PTPA: variants seen among roughly 807,000 people sequenced by gnomAD.
The protein encoded by PTPA is protein phosphatase 2 phosphatase activator, also known as serine/threonine-protein phosphatase 2A activator.
PTPA carries 13 observed loss-of-function variants against 43.6 expected under a neutral mutation model. The ratio of observed to expected loss-of-function variants is 0.30; its 90% CI spans 0.19 to 0.47. The LOEUF (loss-of-function observed/expected upper bound fraction) is 0.47. Among genes scored for constraint, PTPA ranks in the 20% least tolerant of loss-of-function variants. The pLI is 0.99. For missense variants in PTPA, 329 were observed against 411.9 expected (o/e 0.80, Z 1.74); for synonymous variants, 172 against 158.2 (o/e 1.09, Z -0.66).
rs981335920 is a variant in PTPA at position 129,147,761 on chromosome 9, C to T, written c.*297C>T. On this transcript the variant is annotated 3_prime_UTR_variant, in exon 10 of 10. Transcript: ENST00000393370. ...CTCTCTCCTGTTTCTGGCCTCTTCTCCCTTCACTCCCGTCCAGTCTGGTTT... is the reference window on the plus strand; with the variant it reads ...CTCTCTCCTGTTTCTGGCCTCTTCTTCCTTCACTCCCGTCCAGTCTGGTTT... 8 of 402,338 alleles carry T rather than the reference C, an allele frequency of 2.0e-5. No individual in the cohort carries two copies. The highest frequency in any genetic ancestry group is 1.0e-4 in the African/African-American group (5 of 48,622). The allele number at this position is 402,338 out of a possible 1,614,324, so 24.9% of individuals were successfully genotyped here.
At chr9:129,124,067 T>C (rs1360857703) in intron 3 of PTPA, among the ~76,000 whole-genome samples, 1 of 152,224 alleles carries the variant, frequency 6.6e-6, no homozygotes, top group African/African-American at 2.4e-5. Context: ...GACATGTGTA[T>C]GACATTCACA....
At chr9:129,128,660 C>G (rs1849745601) in intron 3 of PTPA, among the ~76,000 whole-genome samples, 1 of 151,942 alleles carries the variant, frequency 6.6e-6, no homozygotes, top group African/African-American at 2.4e-5. Flanking sequence ...CAAAAGGCTT[C>G]CATAAAGTCT....
Position 129,111,435 on chromosome 9 carries a change from C to G in PTPA, c.-166C>G, listed in dbSNP as rs541532986. Reference sequence around the variant, plus strand: ...CCCGCACCGACATGGCGGCCGTCTTCGCTGTGGTGACTTTAACTCTCGGTT... The same window carrying G: ...CCCGCACCGACATGGCGGCCGTCTTGGCTGTGGTGACTTTAACTCTCGGTT... On this transcript the variant is annotated 5_prime_UTR_variant, in exon 1 of 10. Transcript: ENST00000393370. 2.5e-4 allele frequency: 316 copies of G among 1,249,772 alleles called. 1 individual carries two copies. The African/African-American group carries it at 4.4e-3, about 17-fold the overall frequency. The allele number at this position is 1,249,772 out of a possible 1,614,324, so 77.4% of individuals were successfully genotyped here.
Position 129,134,883 on chromosome 9 carries a change from G to A in PTPA, c.549G>A (p.Lys183=). Residue 183 remains lysine (K), a synonymous_variant, in exon 6 of 10, where the codon AAG becomes AAA. Transcript: ENST00000393370. ...ATGACCAAATAGCTATTGTCTTCAAGGTGTTCAATCGGTGAGAGAAAGGAC... is the reference window on the plus strand; with the variant it reads ...ATGACCAAATAGCTATTGTCTTCAAAGTGTTCAATCGGTGAGAGAAAGGAC... ...RVDDQIAIVF[K]VFNRYLEVMR... The A allele has an allele frequency of 6.2e-7, 1 of 1,613,060 alleles. No individual in the cohort carries two copies. Among genetic ancestry groups the A allele is most frequent in the Non-Finnish European group, 8.5e-7 (1 of 1,179,434 alleles).
rs751492653 is a variant in PTPA at position 129,134,872 on chromosome 9, A to G, written c.538A>G (p.Ile180Val). The change falls in exon 6 of 10, where the codon ATT becomes GTT. Residue 180 changes from isoleucine (I) to valine (V), a missense_variant. By Grantham distance (29) the Ile-to-Val change is conservative (BLOSUM62 3). Coordinates refer to ENST00000393370, the MANE Select transcript of PTPA (RefSeq NM_178000.3). Reference protein sequence around the residue: ...GVLRVDDQIAIVFKVFNRYLE... With the variant: ...GVLRVDDQIAVVFKVFNRYLE... ...GCTCCGGGTGGATGACCAAATAGCT[A>G]TTGTCTTCAAGGTGTTCAATCGGTG... is the stretch of plus-strand genomic sequence containing the variant. 26 of 1,613,330 alleles carry G rather than the reference A, an allele frequency of 1.6e-5. No homozygotes were observed. Among genetic ancestry groups the G allele is most frequent in the Admixed American group, 5.0e-5 (3 of 59,974 alleles).
intron 7 of PTPA, among the ~76,000 whole-genome samples, chr9:129,136,817 C>T (rs980232212): frequency 1.3e-5 from 2 of 152,164 alleles, no homozygotes; most frequent in African/African-American, 2.4e-5. Context: ...GGAGGCCAAG[C>T]GCCACCAAGA....
chr9:129,130,791 C>T (rs185710534), intron 4 of PTPA, among the ~76,000 whole-genome samples: 4 of 152,168 alleles, frequency 2.6e-5, no homozygotes, highest in African/African-American at 9.7e-5. Context: ...AAGTTTTTTA[C>T]CCATGGATTC....
At chr9:129,134,370 T>C (rs1850213775) in intron 5 of PTPA, among the ~76,000 whole-genome samples, 1 of 139,928 alleles carries the variant, frequency 7.1e-6, no homozygotes, top group Non-Finnish European at 1.5e-5. Flanking sequence ...AGTGGCCTTA[T>C]CATGGCTCAC....
intron 1 of PTPA, among the ~76,000 whole-genome samples, chr9:129,113,827 A>G (rs114833350): frequency 0.012 from 1,818 of 152,198 alleles, 49 homozygotes; most frequent in East Asian, 0.12. Context: ...GATAGGAGAT[A>G]TAAGGCAACC....
chr9:129,131,495 A>G, intron 4 of PTPA, 27 bp from the exon 5 acceptor site: 3 of 1,604,688 alleles, frequency 1.9e-6, no homozygotes, highest in Non-Finnish European at 2.6e-6. Flanking sequence ...ATATGCTGCC[A>G]CCACTTTGTG....
chr9:129,137,657 T>G lies in PTPA; in HGVS notation c.751T>G (p.Tyr251Asp), dbSNP rs1850464931. The G allele has an allele frequency of 6.2e-7, 1 of 1,611,946 alleles. No individual in the cohort carries two copies. Among genetic ancestry groups the G allele is most frequent in the Admixed American group, 1.7e-5 (1 of 59,758 alleles). The change falls in exon 8 of 10, where the codon TAC becomes GAC. Residue 251 changes from tyrosine (Y) to aspartate (D), a missense_variant. Coordinates refer to ENST00000393370, the MANE Select transcript of PTPA (RefSeq NM_178000.3). ...EKAVNENHKD[Y>D]MFLECILFIT... ...GGCCGTGAATGAGAACCACAAGGAC[T>G]ACATGTTCCTGGAGTGTATCCTGTT...
chr9:129,111,239 C>T, upstream of PTPA: 1 of 1,146,804 alleles, frequency 8.7e-7, no homozygotes, highest in Non-Finnish European at 1.1e-6. Context: ...ACTTGACGCC[C>T]CGCACAATCG....
intron 3 of PTPA, among the ~76,000 whole-genome samples, chr9:129,125,740 T>C (rs1465636385): frequency 6.6e-6 from 1 of 152,192 alleles, no homozygotes; most frequent in Non-Finnish European, 1.5e-5. Context: ...CCACGAGTAG[T>C]GGTTGTCTTT....
chr9:129,137,934 A>T, intron 8 of PTPA: 1 of 506,254 alleles, frequency 2.0e-6, no homozygotes. Context: ...TCTTGAGATG[A>T]GGGTCTAAGA....
intron 3 of PTPA, among the ~76,000 whole-genome samples, chr9:129,126,189 ATTTATT>A (rs978621480): frequency 2.0e-5 from 3 of 151,544 alleles, no homozygotes; most frequent in African/African-American, 7.3e-5. Context: ...TTTATTATTT[ATTTATT>A]TTTATTTTTA....
chr9:129,134,619 G>A (rs569997127), intron 5 of PTPA, among the ~76,000 whole-genome samples, 176 bp from the exon 6 acceptor site: 1 of 152,152 alleles, frequency 6.6e-6, no homozygotes, highest in African/African-American at 2.4e-5. Flanking sequence ...TGGTATTATA[G>A]TTCTTGAAAG....
intron 1 of PTPA, among the ~76,000 whole-genome samples, chr9:129,114,628 C>T (rs775576044): frequency 1.7e-4 from 26 of 152,194 alleles, no homozygotes; most frequent in Non-Finnish European, 3.7e-4. Context: ...AACATGTAGA[C>T]GAGTTTCAAA....
At chr9:129,114,715 G>A (rs752175418) in intron 1 of PTPA, among the ~76,000 whole-genome samples, 1 of 152,170 alleles carries the variant, frequency 6.6e-6, no homozygotes, top group East Asian at 1.9e-4. Context: ...TCTGAATGTT[G>A]ATTTTATACT....
intron 9 of PTPA, chr9:129,142,778 A>C: frequency 6.5e-7 from 1 of 1,536,222 alleles, no homozygotes; most frequent in South Asian, 1.2e-5. Context: ...GCTGCAGTCC[A>C]GCTCTGTCCT....
Sources: allele counts gnomAD v4.1 joint callset (sites outside exome capture counted in the v4.1 genomes callset), GRCh38; gene constraint gnomAD v4.1.1; transcripts MANE v1.5; gene names NCBI Gene and HGNC (gene_info 2026-07-23, HGNC 2026-07-21).